Variants in ADAM12 observed in about 807,000 individuals in gnomAD.
ADAM12 encodes the protein ADAM metallopeptidase domain 12, also known as disintegrin and metalloproteinase domain-containing protein 12.
In ADAM12, 70 loss-of-function variants were observed where a neutral mutation model predicts 106.4. The ratio of observed to expected loss-of-function variants is 0.66; its 90% CI spans 0.54 to 0.80. ADAM12 has a LOEUF of 0.80. Among genes scored for constraint, ADAM12 ranks in the 30% least tolerant of loss-of-function variants. The probability of loss-of-function intolerance (pLI) is 0.00; values close to 1 mark genes in which losing one functional copy is unlikely to be tolerated. For missense variants in ADAM12, 1,010 were observed against 1,171.9 expected (o/e 0.86, Z 2.02); for synonymous variants, 420 against 433.5 (o/e 0.97, Z 0.39).
chr10:126,271,920 T>C (rs1389239142), intron 3 of ADAM12, among the ~76,000 whole-genome samples: 2 of 152,210 alleles, frequency 1.3e-5, no homozygotes, highest in Non-Finnish European at 2.9e-5. Context: ...TCCTTCTTGG[T>C]CATCAGTACA....
intron 8 of ADAM12, among the ~76,000 whole-genome samples, chr10:126,105,080 A>G (rs1033693013): frequency 1.1e-4 from 17 of 152,164 alleles, no homozygotes; most frequent in Admixed American, 5.2e-4. Context: ...GGCCAGGGGT[A>G]GCTGTGTGCT....
chr10:126,266,602 G>C (rs564705265), intron 3 of ADAM12, among the ~76,000 whole-genome samples: 1 of 152,160 alleles, frequency 6.6e-6, no homozygotes, highest in Non-Finnish European at 1.5e-5. Flanking sequence ...GTCCGTTCTC[G>C]CACTGTTACA....
At position 126,221,404 on chromosome 10, in the gene ADAM12, A is replaced by AAAAAG. The variant is rs1554989461; in HGVS notation, c.260+57510_260+57511insCTTTT. Among the ~76,000 whole-genome samples the AAAAAG allele has an allele frequency of 1.2e-3, 182 of 149,934 alleles. 1 individual carries two copies. Among genetic ancestry groups the AAAAAG allele is most frequent in the African/African-American group, 4.4e-3 (177 of 40,658 alleles). Reference sequence around the variant, plus strand: ...GACTCTGTCTCAAAAAAAAAAAAAAAAAAGAAAGAAAGAAAGAAAGAGAAG... The same window carrying AAAAAG: ...GACTCTGTCTCAAAAAAAAAAAAAAAAAAAGAAAGAAAGAAAGAAAGAAAGAGAAG... On this transcript the variant is annotated intron_variant, in intron 3 of 22. Transcript: ENST00000448723.
intron 4 of ADAM12, among the ~76,000 whole-genome samples, chr10:126,152,008 G>GTTT (rs59527849): frequency 3.8e-5 from 5 of 133,098 alleles, no homozygotes; most frequent in African/African-American, 1.4e-4. Flanking sequence ...TCCCTCTTGA[G>GTTT]TTTTTTTTTT....
chr10:126,279,981 A>G (rs570801642), intron 2 of ADAM12, among the ~76,000 whole-genome samples: 33 of 152,358 alleles, frequency 2.2e-4, no homozygotes, highest in Admixed American at 1.9e-3. Context: ...CATGAGAATG[A>G]GAAGTTTATA....
At chr10:126,268,297 T>A (rs1287479335) in intron 3 of ADAM12, among the ~76,000 whole-genome samples, 2 of 152,262 alleles carry the variant, frequency 1.3e-5, no homozygotes, top group African/African-American at 4.8e-5. Context: ...TGATGGCATG[T>A]GTCAGAATGT....
At chr10:126,121,138 C>CTA (rs1308579264) in intron 5 of ADAM12, among the ~76,000 whole-genome samples, 2 of 17,784 alleles carry the variant, frequency 1.1e-4, no homozygotes, top group Non-Finnish European at 1.9e-4. Context: ...ATACTATATA[C>CTA]TATATATACT....
chr10:126,197,278 G>C (rs1206394791), intron 3 of ADAM12, among the ~76,000 whole-genome samples: 1 of 152,242 alleles, frequency 6.6e-6, no homozygotes, highest in Non-Finnish European at 1.5e-5. Flanking sequence ...AAGTCCATTG[G>C]TGAACTCTGG....
chr10:126,121,131 C>G (rs58471719), intron 5 of ADAM12, among the ~76,000 whole-genome samples: 1,483 of 81,182 alleles, frequency 0.018, 94 homozygotes, highest in East Asian at 0.039. Flanking sequence ...AGTATATATA[C>G]TATATACTAT....
At chr10:126,206,195 A>G (rs1957791651) in intron 3 of ADAM12, among the ~76,000 whole-genome samples, 1 of 152,262 alleles carries the variant, frequency 6.6e-6, no homozygotes, top group Admixed American at 6.5e-5. Context: ...ACATTGTAAG[A>G]AAACAATTGC....
At chr10:126,244,982 G>T (rs979460443) in intron 3 of ADAM12, among the ~76,000 whole-genome samples, 1 of 152,248 alleles carries the variant, frequency 6.6e-6, no homozygotes, top group African/African-American at 2.4e-5. Flanking sequence ...TATGTTTGAA[G>T]ATGGGGAGTA....
intron 17 of ADAM12, among the ~76,000 whole-genome samples, chr10:126,045,084 G>A (rs79811450): frequency 0.13 from 20,068 of 152,200 alleles, 1,412 homozygotes; most frequent in Middle Eastern, 0.28. Context: ...AAGGGGTATT[G>A]GAAAGGGAGT....
intron 1 of ADAM12, among the ~76,000 whole-genome samples, chr10:126,364,343 TA>T (rs34812784): frequency 0.26 from 40,190 of 151,910 alleles, 5,545 homozygotes; most frequent in Middle Eastern, 0.32. Flanking sequence ...AATAAAGCAA[TA>T]ACATTTCAGG....
In ADAM12 at chr10:126,243,326, T is replaced by C. The variant is rs184253790; in HGVS notation, c.260+35589A>G. Reference sequence around the variant, plus strand: ...AATTGATAATAACTATGGATATCAATTTTGAGTGTGTAATTTTAACCAGAG... The same window carrying C: ...AATTGATAATAACTATGGATATCAACTTTGAGTGTGTAATTTTAACCAGAG... On this transcript the variant is annotated intron_variant, in intron 3 of 22. Coordinates refer to ENST00000448723, the MANE Select transcript of ADAM12 (RefSeq NM_001288973.2). Among the ~76,000 whole-genome samples the C allele has an allele frequency of 3.3e-5, 5 of 152,314 alleles. No homozygotes were observed. In the East Asian group the frequency reaches 9.6e-4, roughly 29 times the overall value.
chr10:126,148,875 C>G (rs1956677700), intron 4 of ADAM12, among the ~76,000 whole-genome samples: 1 of 151,550 alleles, frequency 6.6e-6, no homozygotes, highest in African/African-American at 2.4e-5. Flanking sequence ...AGCCAAAAGC[C>G]TCAGGACCCA....
chr10:126,073,211 C>G (rs1955033198), intron 11 of ADAM12, among the ~76,000 whole-genome samples: 1 of 152,174 alleles, frequency 6.6e-6, no homozygotes, highest in Admixed American at 6.5e-5. Context: ...GCCTCAGCCT[C>G]TCAAGTAGCT....
intron 3 of ADAM12, among the ~76,000 whole-genome samples, chr10:126,212,106 T>C (rs1322567164): frequency 6.6e-6 from 1 of 152,250 alleles, no homozygotes; most frequent in African/African-American, 2.4e-5. Context: ...CTCACCAGCC[T>C]GGCTGTACAT....
chr10:126,191,147 G>A (rs565295134), intron 3 of ADAM12, among the ~76,000 whole-genome samples: 22 of 151,792 alleles, frequency 1.4e-4, no homozygotes, highest in Non-Finnish European at 2.2e-4. Flanking sequence ...GATTACAGGC[G>A]CCTGCCACCA....
At chr10:126,118,280 T>C (rs952781631) in intron 5 of ADAM12, 56 bp from the exon 6 acceptor site, 15 of 1,286,002 alleles carry the variant, frequency 1.2e-5, no homozygotes, top group African/African-American at 6.0e-5. Flanking sequence ...TTCTTGTTTA[T>C]GGCCAAGACA....
Sources: gnomAD v4.1 joint callset for allele counts (sites outside exome capture counted in the v4.1 genomes callset) on GRCh38, gnomAD v4.1.1 for gene constraint, MANE v1.5 for transcripts, NCBI Gene and HGNC (gene_info 2026-07-23, HGNC 2026-07-21) for gene names.